Variants in MAD1L1 observed in about 807,000 individuals in gnomAD.
MAD1L1 encodes mitotic spindle assembly checkpoint protein MAD1.
In MAD1L1, 95 loss-of-function variants were observed where a neutral mutation model predicts 96.9. That is an observed-to-expected ratio of 0.98 (90% confidence interval 0.83 to 1.16). The LOEUF (loss-of-function observed/expected upper bound fraction) is 1.16. Among genes scored for constraint, MAD1L1 ranks in the 50% most tolerant of loss-of-function variants. The probability of loss-of-function intolerance (pLI) is 0.00; values close to 1 mark genes in which losing one functional copy is unlikely to be tolerated. For synonymous variants in MAD1L1, 473 were observed against 396.6 expected (o/e 1.19, Z -2.29); for missense variants, 1,007 against 954.4 (o/e 1.06, Z -0.73).
chr7:2,231,619 T>C (rs1794193987), intron 1 of MAD1L1, among the ~76,000 whole-genome samples: 1 of 151,454 alleles, frequency 6.6e-6, no homozygotes, highest in East Asian at 1.9e-4. Flanking sequence ...AAAATAATAA[T>C]AATTAATTAA....
chr7:2,124,115 G>C (rs902576329), intron 11 of MAD1L1, among the ~76,000 whole-genome samples: 4 of 152,206 alleles, frequency 2.6e-5, no homozygotes, highest in African/African-American at 9.7e-5. Flanking sequence ...AGATGCAGCC[G>C]GGAGCCCCCA....
At chr7:2,194,354 C>G (rs1286524936) in intron 10 of MAD1L1, among the ~76,000 whole-genome samples, 1 of 152,246 alleles carries the variant, frequency 6.6e-6, no homozygotes, top group African/African-American at 2.4e-5. Context: ...CCTACTCCCA[C>G]CCCAGCTGTC....
chr7:2,095,614 G>A lies in MAD1L1; in HGVS notation c.1074-26276C>T, dbSNP rs549866383. Reference sequence around the variant, plus strand: ...TGCTAAACAGAAAACGCAAGGAGGCGAGGTGGACAGCAGCAATGCTGGGCA... The same window carrying A: ...TGCTAAACAGAAAACGCAAGGAGGCAAGGTGGACAGCAGCAATGCTGGGCA... On this transcript the variant is annotated intron_variant, in intron 11 of 18. Transcript: ENST00000265854. Among the ~76,000 whole-genome samples, 27 of 152,342 alleles carry A rather than the reference G, an allele frequency of 1.8e-4. 1 individual carries two copies. The Middle Eastern group carries it at 0.01, about 58-fold the overall frequency.
intron 10 of MAD1L1, among the ~76,000 whole-genome samples, chr7:2,152,266 C>A (rs1233911812): frequency 1.3e-5 from 2 of 152,208 alleles, no homozygotes; most frequent in African/African-American, 4.8e-5. Flanking sequence ...GCGACCAGGC[C>A]CCCATCATAG....
intron 10 of MAD1L1, among the ~76,000 whole-genome samples, chr7:2,173,660 G>A (rs537679558): frequency 5.3e-5 from 8 of 152,228 alleles, no homozygotes; most frequent in African/African-American, 9.6e-5. Flanking sequence ...CCATCTGCCC[G>A]GGCACAGGCA....
At chr7:1,856,517 A>G (rs991567986) in intron 18 of MAD1L1, among the ~76,000 whole-genome samples, 2 of 152,228 alleles carry the variant, frequency 1.3e-5, no homozygotes, top group Non-Finnish European at 2.9e-5. Flanking sequence ...TCTGCTGGCT[A>G]CGAGCAGGTA....
At chr7:2,166,153 A>T (rs1790418827) in intron 10 of MAD1L1, among the ~76,000 whole-genome samples, 2 of 152,168 alleles carry the variant, frequency 1.3e-5, no homozygotes, top group African/African-American at 4.8e-5. Flanking sequence ...CTCGCCTCCC[A>T]GGAGGGGATC....
intron 1 of MAD1L1, 154 bp from the exon 2 acceptor site, chr7:2,230,881 C>A (rs1794159782): frequency 6.6e-6 from 1 of 152,316 alleles, no homozygotes; most frequent in African/African-American, 2.4e-5. Flanking sequence ...TCCACTCAGA[C>A]TCCCAAGCTC....
At chr7:1,920,667 C>T (rs561478897) in intron 17 of MAD1L1, among the ~76,000 whole-genome samples, 3 of 152,254 alleles carry the variant, frequency 2.0e-5, no homozygotes, top group South Asian at 4.1e-4. Flanking sequence ...CAGTCAGCCA[C>T]ATGTGCTGTC....
intron 18 of MAD1L1, among the ~76,000 whole-genome samples, chr7:1,876,111 C>A (rs1785374512): frequency 6.6e-6 from 1 of 152,184 alleles, no homozygotes; most frequent in Non-Finnish European, 1.5e-5. Context: ...GCCAGACCAG[C>A]AGAGTGGTGG....
At position 2,093,244 on chromosome 7, in the gene MAD1L1, C is replaced by CAAA. The variant is rs10654575; in HGVS notation, c.1074-23909_1074-23907dup. On this transcript the variant is annotated intron_variant, in intron 11 of 18. Coordinates refer to ENST00000265854, the MANE Select transcript of MAD1L1 (RefSeq NM_001013836.2). ...TGGGGGACACAGAGAGACTCCGTGT[C>CAAA]AAAAAAAAAAAAAAAAAAAAATTCA... Among the ~76,000 whole-genome samples, 383 of 100,824 alleles carry CAAA rather than the reference C, an allele frequency of 3.8e-3. 18 individuals carry two copies. Among genetic ancestry groups the CAAA allele is most frequent in the African/African-American group, 0.012 (302 of 24,270 alleles). The allele number at this position is 100,824 out of a possible 152,430, so 66.1% of individuals were successfully genotyped here.
chr7:2,152,418 G>A (rs1789624263), intron 10 of MAD1L1, among the ~76,000 whole-genome samples: 1 of 152,230 alleles, frequency 6.6e-6, no homozygotes, highest in African/African-American at 2.4e-5. Context: ...CTCTTGCGCT[G>A]AAAAACCCGC....
At chr7:2,226,975 A>C (rs915286212) in intron 3 of MAD1L1, among the ~76,000 whole-genome samples, 4 of 150,200 alleles carry the variant, frequency 2.7e-5, no homozygotes, top group Admixed American at 6.6e-5. Flanking sequence ...TGACAGGGCA[A>C]GAGTTCGTCT....
intron 10 of MAD1L1, among the ~76,000 whole-genome samples, chr7:2,180,350 A>G (rs1427367345): frequency 6.6e-6 from 1 of 152,252 alleles, no homozygotes; most frequent in African/African-American, 2.4e-5. Flanking sequence ...AGGACTCACC[A>G]GTTCTAGGTA....
chr7:2,020,364 C>T (rs1404530678), intron 12 of MAD1L1, among the ~76,000 whole-genome samples: 2 of 152,250 alleles, frequency 1.3e-5, no homozygotes, highest in African/African-American at 2.4e-5. Flanking sequence ...AAGGCGTGCA[C>T]CCGGCCCCGG....
At chr7:1,894,388 G>A (rs563705187) in intron 18 of MAD1L1, among the ~76,000 whole-genome samples, 1 of 152,344 alleles carries the variant, frequency 6.6e-6, no homozygotes, top group South Asian at 2.1e-4. Context: ...CACAGGGCCG[G>A]CAGAGCTAGT....
chr7:2,198,270 G>A (rs1194193000), intron 10 of MAD1L1, among the ~76,000 whole-genome samples: 1 of 152,124 alleles, frequency 6.6e-6, no homozygotes, highest in African/African-American at 2.4e-5. Context: ...GTGGATTTGT[G>A]CCAGGAAGAG....
intron 10 of MAD1L1, among the ~76,000 whole-genome samples, chr7:2,191,908 G>A (rs182656052): frequency 1.3e-5 from 2 of 151,974 alleles, no homozygotes; most frequent in Non-Finnish European, 2.9e-5. Context: ...GCAGGCACCT[G>A]TAATCTCAGC....
rs190993096 is a variant in MAD1L1, at chr7:1,894,064, C to T, written c.1998+4136G>A. 2.1e-3 allele frequency among the ~76,000 whole-genome samples: 325 copies of T among 152,304 alleles called. 1 individual carries two copies. Among genetic ancestry groups the T allele is most frequent in the African/African-American group, 7.0e-3 (291 of 41,564 alleles). ...CATAAGCCAGGCCCTGAGCTGGGGG[C>T]GTGGAGCTGCTGCGAACAGTACAAG... On this transcript the variant is annotated intron_variant, in intron 18 of 18. Transcript: ENST00000265854.
Sources: gnomAD v4.1 joint callset for allele counts (sites outside exome capture counted in the v4.1 genomes callset) on GRCh38, gnomAD v4.1.1 for gene constraint, MANE v1.5 for transcripts, NCBI Gene and HGNC (gene_info 2026-07-23, HGNC 2026-07-21) for gene names.